MAN1A2: variants seen among roughly 807,000 people sequenced by gnomAD.
MAN1A2 encodes mannosidase alpha class 1A member 2, also known as mannosyl-oligosaccharide 1,2-alpha-mannosidase IB.
A neutral mutation model predicts 75.7 loss-of-function variants in MAN1A2; 26 were observed. That is an observed-to-expected ratio of 0.34 (90% CI 0.25 to 0.48). The LOEUF (loss-of-function observed/expected upper bound fraction) is 0.48, where lower values mean the gene tolerates loss of function less well. MAN1A2 is among the 20% of genes least tolerant of loss of function. The pLI, the probability that MAN1A2 is intolerant of heterozygous loss-of-function variation, is 0.99. For synonymous variants in MAN1A2, 247 were observed against 264.6 expected (o/e 0.93, Z 0.65); for missense variants, 562 against 775.5 (o/e 0.72, Z 3.27).
chr1:117,486,521 C>T (rs1018655809), intron 8 of MAN1A2, among the ~76,000 whole-genome samples: 8 of 151,630 alleles, frequency 5.3e-5, no homozygotes, highest in Non-Finnish European at 1.0e-4. Flanking sequence ...TCAAATAACT[C>T]GGAGAAGTTA....
At chr1:117,450,331 T>C (rs574636324) in intron 6 of MAN1A2, among the ~76,000 whole-genome samples, 1 of 152,234 alleles carries the variant, frequency 6.6e-6, no homozygotes, top group African/African-American at 2.4e-5. Flanking sequence ...TGGAAGAAAT[T>C]TCTAAGCAGC....
intron 12 of MAN1A2, among the ~76,000 whole-genome samples, chr1:117,507,873 T>C (rs1651421259): frequency 6.6e-6 from 1 of 151,740 alleles, no homozygotes; most frequent in Non-Finnish European, 1.5e-5. Context: ...CCTCCAAGGA[T>C]TGTCTTATTC....
chr1:117,380,428 T>C (rs1053216720), intron 1 of MAN1A2, among the ~76,000 whole-genome samples: 1 of 152,202 alleles, frequency 6.6e-6, no homozygotes, highest in African/African-American at 2.4e-5. Context: ...AAGAATCAAT[T>C]GCCAAATCCA....
chr1:117,469,129 T>C (rs3920835), intron 8 of MAN1A2, among the ~76,000 whole-genome samples: 114,712 of 151,884 alleles, frequency 0.76, 43,468 homozygotes, highest in Middle Eastern at 0.81. Context: ...ACCGAGATTG[T>C]GCCACTGCAC....
At chr1:117,395,665 A>G (rs1163699569) in intron 1 of MAN1A2, among the ~76,000 whole-genome samples, 1 of 152,232 alleles carries the variant, frequency 6.6e-6, no homozygotes, top group Non-Finnish European at 1.5e-5. Flanking sequence ...ATTACACATT[A>G]AGATACAATT....
At chr1:117,451,453 G>A (rs920898791) in intron 6 of MAN1A2, among the ~76,000 whole-genome samples, 27 of 152,184 alleles carry the variant, frequency 1.8e-4, no homozygotes, top group African/African-American at 6.5e-4. Context: ...GACTTTGGGG[G>A]ACTGTTGGGA....
chr1:117,405,314 G>A (rs1160134215), intron 2 of MAN1A2, among the ~76,000 whole-genome samples: 1 of 152,044 alleles, frequency 6.6e-6, no homozygotes, highest in Non-Finnish European at 1.5e-5. Context: ...AAACAAATAT[G>A]TACCTCCTGA....
At chr1:117,383,961 T>A (rs1177610814) in intron 1 of MAN1A2, among the ~76,000 whole-genome samples, 2 of 152,138 alleles carry the variant, frequency 1.3e-5, no homozygotes, top group Non-Finnish European at 2.9e-5. Context: ...TTCTGTAAGG[T>A]CAGCTGCAGT....
chr1:117,447,770 T>C (rs1649285319), intron 6 of MAN1A2, among the ~76,000 whole-genome samples: 1 of 152,134 alleles, frequency 6.6e-6, no homozygotes, highest in Non-Finnish European at 1.5e-5. Flanking sequence ...CCTTAAGGTA[T>C]TTTTGTGTAT....
intron 12 of MAN1A2, among the ~76,000 whole-genome samples, chr1:117,505,496 G>T (rs1290547): frequency 0.85 from 128,756 of 150,674 alleles, 55,309 homozygotes; most frequent in East Asian, 0.94. Context: ...TATATAGATA[G>T]ATATATTTGC....
In MAN1A2 at chr1:117,414,827, G is replaced by C. The variant is rs905735831; in HGVS notation, c.770G>C (p.Ser257Thr). ...QRWIEDNLDF[S>T]VNSEVSVFEV... ...TGGATTGAAGACAACCTTGATTTCA[G>C]TGTGGTGAGTGTATGATTGATAACT... The change falls in exon 4 of 13, where the codon AGT (serine) becomes ACT (threonine). Residue 257 changes from serine to threonine, a missense_variant. Ser to Thr is a moderately conservative substitution (Grantham distance 58). This residue lies in a region of MAN1A2 where 434 missense variants were observed against 645.7 expected (regional missense o/e 0.67). Transcript: ENST00000356554. 2 of 1,538,574 alleles carry C rather than the reference G, an allele frequency of 1.3e-6. No homozygotes were observed. Among genetic ancestry groups the C allele is most frequent in the Non-Finnish European group, 1.8e-6 (2 of 1,111,818 alleles).
chr1:117,413,041 G>C (rs888512179), intron 3 of MAN1A2, among the ~76,000 whole-genome samples: 1 of 151,912 alleles, frequency 6.6e-6, no homozygotes, highest in Non-Finnish European at 1.5e-5. Flanking sequence ...TGGATGAAAT[G>C]CTAAAATTAA....
intron 8 of MAN1A2, among the ~76,000 whole-genome samples, chr1:117,473,522 A>C (rs187955602): frequency 2.9e-4 from 44 of 152,094 alleles, no homozygotes; most frequent in African/African-American, 1.0e-3. Flanking sequence ...AGTAAAAGCT[A>C]AAGTCCTTTT....
intron 8 of MAN1A2, among the ~76,000 whole-genome samples, chr1:117,485,077 T>A (rs900279049): frequency 1.3e-5 from 2 of 151,966 alleles, no homozygotes; most frequent in Admixed American, 1.3e-4. Context: ...TTTAAAAAGG[T>A]TTTCTATGTA....
intron 6 of MAN1A2, among the ~76,000 whole-genome samples, chr1:117,448,925 T>C (rs1649320516): frequency 6.6e-6 from 1 of 152,222 alleles, no homozygotes; most frequent in South Asian, 2.1e-4. Flanking sequence ...TGAGCAAGTC[T>C]ATCGGGGCTA....
intron 12 of MAN1A2, among the ~76,000 whole-genome samples, chr1:117,512,545 A>G (rs1433831521): frequency 5.3e-5 from 8 of 152,110 alleles, no homozygotes; most frequent in Non-Finnish European, 1.2e-4. Flanking sequence ...TAAAACACTT[A>G]TGGAGACAAT....
rs146283154 is a variant in MAN1A2 at position 117,500,589 on chromosome 1, T to A, written c.1677+1035T>A. Among the ~76,000 whole-genome samples, 1,186 of 151,540 alleles carry A rather than the reference T, an allele frequency of 7.8e-3. 7 individuals are homozygous for A. The highest frequency in any genetic ancestry group is 0.027 in the African/African-American group (1,132 of 41,352). ...ATGTGAGATCTTGAACTAAGGGGAG[T>A]ACACTTATTTTTCACCTGTCATTCA... On this transcript the variant is annotated intron_variant, in intron 11 of 12. Coordinates refer to ENST00000356554, the MANE Select transcript of MAN1A2 (RefSeq NM_006699.5).
intron 6 of MAN1A2, among the ~76,000 whole-genome samples, chr1:117,444,635 TC>T (rs1386101768): frequency 6.6e-6 from 1 of 152,080 alleles, no homozygotes; most frequent in Non-Finnish European, 1.5e-5. Flanking sequence ...ATTTTGAACA[TC>T]CTTTTCATAA....
intron 1 of MAN1A2, among the ~76,000 whole-genome samples, chr1:117,388,609 G>T (rs1469312388): frequency 6.6e-6 from 1 of 152,106 alleles, no homozygotes; most frequent in African/African-American, 2.4e-5. Context: ...CAGGTCTCAT[G>T]AGAGCTCACT....
Sources: allele counts gnomAD v4.1 joint callset (sites outside exome capture counted in the v4.1 genomes callset), GRCh38; gene constraint gnomAD v4.1.1; regional missense constraint gnomAD v4.1.1; transcripts MANE v1.5; gene names NCBI Gene and HGNC (gene_info 2026-07-23, HGNC 2026-07-21).